SPEG: variants seen among roughly 807,000 people sequenced by gnomAD.
SPEG encodes the protein striated muscle enriched protein kinase.
Under a neutral mutation model 300.4 loss-of-function variants are expected in SPEG, and 114 were observed. That is an observed-to-expected ratio of 0.38 (90% CI 0.33 to 0.44). SPEG has a LOEUF of 0.44. Among genes scored for constraint, SPEG ranks in the 20% least tolerant of loss-of-function variants. The probability of loss-of-function intolerance (pLI) is 1.00; values close to 1 mark genes in which losing one functional copy is unlikely to be tolerated. For synonymous variants in SPEG, 1,964 were observed against 2,018.9 expected (o/e 0.97, Z 0.73); for missense variants, 4,201 against 4,586.2 (o/e 0.92, Z 2.43).
At chr2:219,470,935 A>ATGTATTTGGTACTTACTGTG (rs1293025482) in intron 13 of SPEG, among the ~76,000 whole-genome samples, 1 of 113,260 alleles carries the variant, frequency 8.8e-6, no homozygotes, top group East Asian at 2.2e-4. Context: ...ATATCATAGA[A>ATGTATTTGGTACTTACTGTG]TGTATTTGGT....
chr2:219,470,526 G>T (rs113175882), intron 13 of SPEG, among the ~76,000 whole-genome samples: 5 of 152,188 alleles, frequency 3.3e-5, no homozygotes, highest in Admixed American at 1.3e-4. Context: ...TGTATCTGGG[G>T]TCACTGGCAG....
Position 219,443,296 on chromosome 2 carries a change from C to A in SPEG, c.389-1357C>A. On this transcript the variant is annotated intron_variant, in intron 1 of 40. Coordinates refer to ENST00000312358, the MANE Select transcript of SPEG (RefSeq NM_005876.5). This position sits in a 1 kb window ranked among gnomAD's most constrained non-coding sequence, Gnocchi z 4.6. Reference sequence around the variant, plus strand: ...CCCCCACACTTATCTACCACCCACCCGACCAGGCCCCCTGTGCCCTACAGC... The same window carrying A: ...CCCCCACACTTATCTACCACCCACCAGACCAGGCCCCCTGTGCCCTACAGC... 1.2e-6 allele frequency: 1 copy of A among 853,966 alleles called. No homozygotes were observed. The highest frequency in any genetic ancestry group is 2.0e-6 in the Non-Finnish European group (1 of 494,700). 52.9% of individuals were successfully genotyped at this position (853,966 alleles called of 1,614,324 possible).
At chr2:219,486,816 T>C (rs1693477437) in intron 31 of SPEG, among the ~76,000 whole-genome samples, 1 of 151,758 alleles carries the variant, frequency 6.6e-6, no homozygotes, top group South Asian at 2.1e-4. Context: ...TCTCTCTCTC[T>C]CCCTGCTACC....
At position 219,483,495 on chromosome 2, in the gene SPEG, G is replaced by T. The variant is rs1187321457; in HGVS notation, c.6032G>T (p.Arg2011Leu). 7 of 1,433,150 alleles carry T rather than the reference G, an allele frequency of 4.9e-6. No individual in the cohort carries two copies. The highest frequency in any genetic ancestry group is 6.3e-6 in the Non-Finnish European group (7 of 1,104,334). The allele number at this position is 1,433,150 out of a possible 1,614,324, so 88.8% of individuals were successfully genotyped here. The change falls in exon 30 of 41, where the codon CGC becomes CTC. Residue 2011 changes from arginine (R) to leucine (L), a missense_variant. By Grantham distance (102) the Arg-to-Leu change is moderately radical. Around this residue, in one of 4 missense-constraint regions of SPEG, gnomAD observed 1,578 missense variants for 1,506.0 expected, o/e 1.05. Transcript: ENST00000312358. Reference protein sequence around the residue: ...AGASPRRGELRRGSSAESALP... With the variant: ...AGASPRRGELLRGSSAESALP... ...GCTAGCCCCAGGCGGGGAGAGCTCC[G>T]CAGGGGCAGCTCGGCTGAGAGCGCC...
At chr2:219,472,769 G>T (rs1691998897) in intron 15 of SPEG, 121 bp from the exon 16 acceptor site, 2 of 788,970 alleles carry the variant, frequency 2.5e-6, no homozygotes, top group Admixed American at 3.0e-5. Context: ...GGAAGCAACA[G>T]CAGAGACTGA....
rs1224206831 is a variant in SPEG, at chr2:219,461,529, G to T, written c.2441-353G>T. 4.4e-6 allele frequency: 5 copies of T among 1,138,188 alleles called. No individual in the cohort carries two copies. The African/African-American group carries it at 6.6e-5, about 15-fold the overall frequency. The allele number at this position is 1,138,188 out of a possible 1,614,324, so 70.5% of individuals were successfully genotyped here. A position where few individuals can be genotyped will look rare whatever the true frequency, so the allele number is the denominator to read the frequency against. The stretch of plus-strand genomic sequence containing the variant: ...TTTGGAGCCTGCAGTTGGTAGTTTA[G>T]GTCTCTAGTCCATGTCAGGAATGTG... On this transcript the variant is annotated intron_variant, in intron 6 of 40. Transcript: ENST00000312358.
intron 15 of SPEG, 37 bp from the exon 16 acceptor site, chr2:219,472,853 C>T: frequency 6.5e-7 from 1 of 1,533,072 alleles, no homozygotes; most frequent in Non-Finnish European, 8.8e-7. Flanking sequence ...GTTACTGCTC[C>T]TGCAACAGCA....
At chr2:219,476,827 C>T in intron 18 of SPEG, 43 bp from the exon 19 acceptor site, 1 of 1,518,422 alleles carries the variant, frequency 6.6e-7, no homozygotes, top group Non-Finnish European at 9.1e-7. Flanking sequence ...TAAAGCCAGC[C>T]CCTAGCCCCT....
At position 219,479,239 on chromosome 2, in the gene SPEG, A is replaced by G. The variant is rs770861718; in HGVS notation, c.5085+38A>G. The G allele has an allele frequency of 3.2e-6, 5 of 1,574,816 alleles. No individual in the cohort carries two copies. The East Asian group carries it at 9.0e-5, about 28-fold the overall frequency. On this transcript the variant is annotated intron_variant, in intron 23 of 40. Coordinates refer to ENST00000312358, the MANE Select transcript of SPEG (RefSeq NM_005876.5). This position sits in a 1 kb window ranked among gnomAD's most constrained non-coding sequence, Gnocchi z 5.5. ...GGTGGCAGGGGCCAGGTTGGGCACC[A>G]GCCTTCACCCACCTGAGCTTTGAGA...
chr2:219,462,285 G>C lies in SPEG; in HGVS notation c.2617-13G>C, dbSNP rs1207008188. On this transcript the variant is annotated splice_polypyrimidine_tract_variant and intron_variant, in intron 7 of 40. Coordinates refer to ENST00000312358, the MANE Select transcript of SPEG (RefSeq NM_005876.5). The stretch of plus-strand genomic sequence containing the variant: ...CCCTGTCTTCCCCTGACACTTTGGG[G>C]TACCCCCTTCAGGTCTCACTTATGG... The C allele has an allele frequency of 4.5e-6, 7 of 1,555,574 alleles. No homozygotes were observed. The highest frequency in any genetic ancestry group is 6.1e-6 in the Non-Finnish European group (7 of 1,148,490).
Position 219,449,013 on chromosome 2 carries a change from C to T in SPEG, c.1855C>T (p.Pro619Ser). ...SPVPPPAADP[P>S]EARTKAPPGR... ...TGTGCCGCCCCCCGCCGCCGATCCC[C>T]CAGAGGCCAGGACGAAAGCACCCCC... Residue 619 changes from proline to serine, a missense_variant, in exon 4 of 41, where the codon CCA (proline) becomes TCA (serine). Coordinates refer to ENST00000312358, the MANE Select transcript of SPEG (RefSeq NM_005876.5). 1 of 1,507,118 alleles carries T rather than the reference C, an allele frequency of 6.6e-7. No individual in the cohort carries two copies. Among genetic ancestry groups the T allele is most frequent in the Non-Finnish European group, 8.9e-7 (1 of 1,129,128 alleles). 93.4% of individuals were successfully genotyped at this position (1,507,118 alleles called of 1,614,324 possible). A position where few individuals can be genotyped will look rare whatever the true frequency, so the allele number is the denominator to read the frequency against.
At chr2:219,463,009 A>T (rs1439898763) in intron 8 of SPEG, among the ~76,000 whole-genome samples, 1 of 152,176 alleles carries the variant, frequency 6.6e-6, no homozygotes, top group Non-Finnish European at 1.5e-5. Flanking sequence ...GGAGTTGAAG[A>T]CCAGCTTGGG....
In SPEG at chr2:219,473,835, G is replaced by A; in HGVS notation, c.4379G>A (p.Gly1460Glu). Residue 1460 changes from glycine (G) to glutamate (E), a missense_variant, in exon 18 of 41, where the codon GGG becomes GAG. This residue lies in a region of SPEG where 1,047 missense variants were observed against 1,356.8 expected (regional missense o/e 0.77). Coordinates refer to ENST00000312358, the MANE Select transcript of SPEG (RefSeq NM_005876.5). This position sits in a 1 kb window ranked among gnomAD's most constrained non-coding sequence, Gnocchi z 4.6. The stretch of plus-strand genomic sequence containing the variant: ...TGCCGGGTGAGCCGCCGGGACATGG[G>A]GGCCCTCACCTGCACCGCCCGAAAC... Reference protein sequence around the residue: ...RICRVSRRDMGALTCTARNRH... With the variant: ...RICRVSRRDMEALTCTARNRH... 6.2e-7 allele frequency: 1 copy of A among 1,613,804 alleles called. No individual in the cohort carries two copies. The highest frequency in any genetic ancestry group is 8.5e-7 in the Non-Finnish European group (1 of 1,180,024).
chr2:219,453,316 TCA>T (rs1213151198), intron 6 of SPEG, among the ~76,000 whole-genome samples: 1 of 152,262 alleles, frequency 6.6e-6, no homozygotes, highest in African/African-American at 2.4e-5. Context: ...CTCCTGAGCT[TCA>T]GTTTCCTCAT....
In SPEG at chr2:219,479,645, A is replaced by G; in HGVS notation, c.5086-138A>G. 1.3e-6 allele frequency: 1 copy of G among 746,950 alleles called. No homozygotes were observed. Among genetic ancestry groups the G allele is most frequent in the Non-Finnish European group, 2.3e-6 (1 of 430,382 alleles). 46.3% of individuals were successfully genotyped at this position (746,950 alleles called of 1,614,324 possible). A position where few individuals can be genotyped will look rare whatever the true frequency, so the allele number is the denominator to read the frequency against. On this transcript the variant is annotated intron_variant, in intron 23 of 40. Transcript: ENST00000312358. The surrounding 1 kb of genome is among the most constrained non-coding windows in gnomAD (Gnocchi z 5.5). ...CATATGGTAGCCTTGGATCTTTGCA[A>G]CCCCAAACCTGTTTCAGCCCCTTCC... is the stretch of plus-strand genomic sequence containing the variant.
Position 219,458,301 on chromosome 2 carries a change from G to T in SPEG, c.2441-3581G>T, listed in dbSNP as rs1217354975. ...TCATGAGGCTCTGCCTATGAGGGGA[G>T]CTTGGCAAAGAGACCATGGAGCGGT... On this transcript the variant is annotated intron_variant, in intron 6 of 40. Coordinates refer to ENST00000312358, the MANE Select transcript of SPEG (RefSeq NM_005876.5). This position sits in a 1 kb window ranked among gnomAD's most constrained non-coding sequence, Gnocchi z 4.2. 6.6e-6 allele frequency among the ~76,000 whole-genome samples: 1 copy of T among 152,236 alleles called. No homozygotes were observed. Among genetic ancestry groups the T allele is most frequent in the Non-Finnish European group, 1.5e-5 (1 of 68,050 alleles).
In SPEG at chr2:219,444,663, G is replaced by A. The variant is rs777554732; in HGVS notation, c.399G>A (p.Thr133=). ...CCCCTTCTTCTCCAGACTCAGAGAC[G>A]GCTGAGGATGACATCAGCGATGTGC... is the stretch of plus-strand genomic sequence containing the variant. ...LTVLEVGDSE[T]AEDDISDVQG... The change falls in exon 2 of 41, where the codon ACG becomes ACA. Residue 133 remains threonine (T), a synonymous_variant. Transcript: ENST00000312358. The surrounding 1 kb of genome is among the most constrained non-coding windows in gnomAD (Gnocchi z 7.8). 1.9e-5 allele frequency: 30 copies of A among 1,613,846 alleles called. No homozygotes were observed. Among genetic ancestry groups the A allele is most frequent in the Admixed American group, 1.2e-4 (7 of 59,992 alleles).
Position 219,491,885 on chromosome 2 carries a change from C to T in SPEG, c.9461+16C>T. Reference sequence around the variant, plus strand: ...CTTACATTATGTGAGTGTCCCCTACCCCACCGCAGCCCTCTCTGCCCATAC... The same window carrying T: ...CTTACATTATGTGAGTGTCCCCTACTCCACCGCAGCCCTCTCTGCCCATAC... On this transcript the variant is annotated intron_variant, in intron 39 of 40. Transcript: ENST00000312358. The T allele has an allele frequency of 1.3e-6, 2 of 1,576,438 alleles. No individual in the cohort carries two copies.
intron 1 of SPEG, among the ~76,000 whole-genome samples, chr2:219,438,812 G>A (rs1305388611): frequency 6.6e-6 from 1 of 152,206 alleles, no homozygotes; most frequent in African/African-American, 2.4e-5. Context: ...AACCATCCTG[G>A]GGACTCAAAG....
Sources: gnomAD v4.1 joint callset for allele counts (sites outside exome capture counted in the v4.1 genomes callset) on GRCh38, gnomAD v4.1.1 for gene constraint, gnomAD v4.1.1 regional missense constraint, Gnocchi (gnomAD v3.1) non-coding constraint, MANE v1.5 for transcripts, NCBI Gene and HGNC (gene_info 2026-07-23, HGNC 2026-07-21) for gene names.